Variants in DAPK1 observed in about 807,000 individuals in gnomAD.
DAPK1 encodes death associated protein kinase 1, also known as death-associated protein kinase 1.
Under a neutral mutation model 144.9 loss-of-function variants are expected in DAPK1, and 56 were observed. The ratio of observed to expected loss-of-function variants is 0.39; its 90% CI spans 0.31 to 0.48. The LOEUF is 0.48. Ranked by LOEUF, DAPK1 falls within the 20% of genes least tolerant of loss-of-function variation. DAPK1 has a pLI of 0.95. For missense variants in DAPK1, 1,454 were observed against 1,875.4 expected, an observed-to-expected ratio of 0.78 and a Z score of 4.15; for synonymous variants, 690 against 749.0, an observed-to-expected ratio of 0.92 and a Z score of 1.29.
rs1423344481 is a variant in DAPK1, at chr9:87,640,343, G to A, written c.675G>A (p.Thr225=). ...TTCTTGGAGACACTAAGCAAGAAACGTTAGCAAATGTATCCGCTGTCAACT... is the reference window on the plus strand; with the variant it reads ...TTCTTGGAGACACTAAGCAAGAAACATTAGCAAATGTATCCGCTGTCAACT... ...SPFLGDTKQE[T]LANVSAVNYE... is the part of the protein sequence containing the mutation. The change falls in exon 8 of 26, where the codon ACG becomes ACA. Residue 225 remains threonine, a synonymous_variant. Transcript: ENST00000408954. 4.3e-6 allele frequency: 7 copies of A among 1,614,090 alleles called. No homozygotes were observed. Among genetic ancestry groups the A allele is most frequent in the Admixed American group, 3.3e-5 (2 of 59,994 alleles).
intron 15 of DAPK1, among the ~76,000 whole-genome samples, chr9:87,649,302 G>A (rs927115906): frequency 1.3e-5 from 2 of 152,104 alleles, no homozygotes; most frequent in African/African-American, 2.4e-5. Flanking sequence ...GCCTCTCATC[G>A]GTGCATATAT....
intron 11 of DAPK1, among the ~76,000 whole-genome samples, chr9:87,644,794 A>G (rs191257528): frequency 2.6e-5 from 4 of 152,238 alleles, no homozygotes; most frequent in African/African-American, 7.2e-5. Flanking sequence ...CCAGGTGGAA[A>G]GATACCCTCC....
chr9:87,571,482 C>CCCCA lies in DAPK1; in HGVS notation c.63-33472_63-33471insCCCA, dbSNP rs1564000923. ...ACACACACACACACACACCAACACA[C>CCCCA]ACACACACACACCCCAACACACACA... On this transcript the variant is annotated intron_variant, in intron 2 of 25. Transcript: ENST00000408954. 9.0e-3 allele frequency among the ~76,000 whole-genome samples: 533 copies of CCCCA among 59,270 alleles called. 88 individuals are homozygous for CCCCA. Among genetic ancestry groups the CCCCA allele is most frequent in the African/African-American group, 0.04 (491 of 12,156 alleles). The allele number at this position is 59,270 out of a possible 152,430, so 38.9% of individuals were successfully genotyped here. A position where few individuals can be genotyped will look rare whatever the true frequency, so the allele number is the denominator to read the frequency against.
intron 3 of DAPK1, among the ~76,000 whole-genome samples, chr9:87,630,861 G>A (rs1266997399): frequency 1.3e-5 from 2 of 152,144 alleles, no homozygotes; most frequent in African/African-American, 4.8e-5. Context: ...GCCTCACTCA[G>A]GAAGTAGGTA....
chr9:87,600,536 T>C (rs1297044381), intron 2 of DAPK1, among the ~76,000 whole-genome samples: 1 of 152,094 alleles, frequency 6.6e-6, no homozygotes, highest in Admixed American at 6.5e-5. Flanking sequence ...AAGGCTGCAG[T>C]GAGCTGTGAT....
intron 2 of DAPK1, among the ~76,000 whole-genome samples, chr9:87,517,174 A>G (rs1825093617): frequency 6.6e-6 from 1 of 152,146 alleles, no homozygotes; most frequent in Non-Finnish European, 1.5e-5. Context: ...CAGATGGGAC[A>G]GATGGAGAAT....
intron 2 of DAPK1, among the ~76,000 whole-genome samples, chr9:87,552,776 G>C (rs1826544889): frequency 6.8e-6 from 1 of 147,616 alleles, no homozygotes; most frequent in Non-Finnish European, 1.5e-5. Context: ...TTTTTTTTAA[G>C]ATTTCTAGTA....
At chr9:87,590,384 A>G (rs1414731925) in intron 2 of DAPK1, among the ~76,000 whole-genome samples, 2 of 148,260 alleles carry the variant, frequency 1.3e-5, no homozygotes, top group African/African-American at 2.6e-5. Context: ...AAAAAAAAAA[A>G]AGAAAAGAAA....
At chr9:87,558,087 T>A (rs1001195603) in intron 2 of DAPK1, among the ~76,000 whole-genome samples, 4 of 152,252 alleles carry the variant, frequency 2.6e-5, no homozygotes, top group Admixed American at 2.6e-4. Context: ...ATCAGCAGCA[T>A]TGTGAGGTCC....
intron 25 of DAPK1, among the ~76,000 whole-genome samples, 185 bp downstream of exon 25, chr9:87,703,402 G>A (rs895108935): frequency 5.9e-5 from 9 of 152,156 alleles, no homozygotes; most frequent in Admixed American, 2.0e-4. Flanking sequence ...TGCAGTTCTC[G>A]GCTCACCTTA....
intron 2 of DAPK1, among the ~76,000 whole-genome samples, chr9:87,543,727 A>G (rs1172341173): frequency 6.6e-6 from 1 of 152,208 alleles, no homozygotes; most frequent in African/African-American, 2.4e-5. Context: ...TATCTTTGCT[A>G]TGTTTGAGTG....
At chr9:87,666,055 T>TCC (rs1410068129) in intron 18 of DAPK1, among the ~76,000 whole-genome samples, 10 of 152,340 alleles carry the variant, frequency 6.6e-5, no homozygotes, top group African/African-American at 2.2e-4. Context: ...AATGCAGAGA[T>TCC]CTGACTTCTG....
chr9:87,603,745 G>A (rs958898288), intron 2 of DAPK1, among the ~76,000 whole-genome samples: 2 of 152,184 alleles, frequency 1.3e-5, no homozygotes, highest in Non-Finnish European at 2.9e-5. Flanking sequence ...AGGGAAGAAC[G>A]AAGGGCACCA....
chr9:87,691,540 G>C (rs1825052729), intron 21 of DAPK1, among the ~76,000 whole-genome samples: 1 of 151,610 alleles, frequency 6.6e-6, no homozygotes, highest in Non-Finnish European at 1.5e-5. Context: ...TTGTGGTTTG[G>C]CTTGTTTTTG....
Position 87,641,892 on chromosome 9 carries a change from A to T in DAPK1, c.829-77A>T, listed in dbSNP as rs750006626. The T allele has an allele frequency of 7.0e-6, 8 of 1,136,082 alleles. No homozygotes were observed. The Admixed American group carries it at 1.3e-4, about 19-fold the overall frequency. 70.4% of individuals were successfully genotyped at this position (1,136,082 alleles called of 1,614,324 possible). A position where few individuals can be genotyped will look rare whatever the true frequency, so the allele number is the denominator to read the frequency against. ...ATGTGTAAGCATCCTGAATAAGGAG[A>T]TGTTTCAAAAAATTGTCATATAACA... On this transcript the variant is annotated intron_variant, in intron 9 of 25. Transcript: ENST00000408954.
intron 18 of DAPK1, among the ~76,000 whole-genome samples, chr9:87,660,791 T>C (rs1199377961): frequency 1.3e-5 from 2 of 152,228 alleles, no homozygotes; most frequent in African/African-American, 2.4e-5. Context: ...TTTCCATCCA[T>C]GTTGCTACAA....
At chr9:87,639,260 CT>C (rs112724520) in intron 4 of DAPK1, 93 bp from the exon 5 acceptor site, 174,728 of 922,952 alleles carry the variant, frequency 0.19, 36 homozygotes, top group Middle Eastern at 0.21. Context: ...ACTTTTTGGC[CT>C]TTTTTTTTTT....
At chr9:87,501,288 AG>A (rs1380497147) in intron 2 of DAPK1, among the ~76,000 whole-genome samples, 1 of 152,226 alleles carries the variant, frequency 6.6e-6, no homozygotes, top group Non-Finnish European at 1.5e-5. Context: ...TGGGAGGCTG[AG>A]GTAGGCAAAT....
Position 87,686,707 on chromosome 9 carries a change from A to T in DAPK1, c.2381A>T (p.Lys794Met), listed in dbSNP as rs1457831299. 1.9e-6 allele frequency: 3 copies of T among 1,613,270 alleles called. No homozygotes were observed. The highest frequency in any genetic ancestry group is 2.5e-6 in the Non-Finnish European group (3 of 1,179,296). ...PHCSADDQST[K>M]AIDIQNAYLN... Reference sequence around the variant, plus strand: ...TGCTCGGCCGATGACCAGTCCACCAAGGCCATCGACATCCAGAACGCTTAT... The same window carrying T: ...TGCTCGGCCGATGACCAGTCCACCATGGCCATCGACATCCAGAACGCTTAT... The change falls in exon 21 of 26, where the codon AAG (lysine) becomes ATG (methionine). Residue 794 changes from lysine to methionine, a missense_variant. Physicochemically the swap from Lys to Met is moderately conservative, Grantham distance 95 (BLOSUM62 -1). This residue lies in a region of DAPK1 where 1,025 missense variants were observed against 1,237.9 expected (regional missense o/e 0.83). Coordinates refer to ENST00000408954, the MANE Select transcript of DAPK1 (RefSeq NM_004938.4). This position sits in a 1 kb window ranked among gnomAD's most constrained non-coding sequence, Gnocchi z 4.2.
Sources: allele counts gnomAD v4.1 joint callset (sites outside exome capture counted in the v4.1 genomes callset), GRCh38; gene constraint gnomAD v4.1.1; regional missense constraint gnomAD v4.1.1; non-coding constraint Gnocchi (gnomAD v3.1); transcripts MANE v1.5; gene names NCBI Gene and HGNC (gene_info 2026-07-23, HGNC 2026-07-21).